BSND: variants seen among roughly 807,000 people sequenced by gnomAD.
The protein encoded by BSND is barttin.
Under a neutral mutation model 18.8 loss-of-function variants are expected in BSND, and 13 were observed. The observed-to-expected ratio is 0.69, with a 90% confidence interval of 0.45 to 1.10. The LOEUF is 1.10. BSND is among the 50% of genes least tolerant of loss of function. The pLI is 0.00. For synonymous variants in BSND, 170 were observed against 161.8 expected, an observed-to-expected ratio of 1.05 and a Z score of -0.39; for missense variants, 379 against 416.7, an observed-to-expected ratio of 0.91 and a Z score of 0.79.
At chr1:55,007,411 G>C (rs1644397443) in intron 3 of BSND, 139 bp downstream of exon 3, 1 of 1,099,056 alleles carries the variant, frequency 9.1e-7, no homozygotes. Flanking sequence ...ACCCTGAGAT[G>C]TGGCAGATGT....
At position 55,008,439 on chromosome 1, in the gene BSND, G is replaced by C. The variant is rs776289912; in HGVS notation, c.774G>C (p.Gln258His). 3.1e-6 allele frequency: 5 copies of C among 1,614,224 alleles called. No homozygotes were observed. In the South Asian group the frequency reaches 5.5e-5, roughly 18 times the overall value. Residue 258 changes from glutamine to histidine, a missense_variant, in exon 4 of 4, where the codon CAG (glutamine) becomes CAC (histidine). Physicochemically the swap from Gln to His is conservative, Grantham distance 24. Coordinates refer to ENST00000651561, the MANE Select transcript of BSND (RefSeq NM_057176.3). ...TLEDEPQEGQ[Q>H]WEIALPNNWQ... The stretch of plus-strand genomic sequence containing the variant: ...AGGATGAGCCCCAAGAGGGGCAGCA[G>C]TGGGAAATAGCCCTGCCCAACAACT...
intron 1 of BSND, among the ~76,000 whole-genome samples, chr1:55,004,102 A>G (rs1248637990): frequency 6.6e-6 from 1 of 152,116 alleles, no homozygotes; most frequent in South Asian, 2.1e-4. Context: ...ATCATACAGT[A>G]TTTGTCTTTC....
intron 2 of BSND, among the ~76,000 whole-genome samples, chr1:55,006,299 G>A (rs1644391286): frequency 6.6e-6 from 1 of 152,174 alleles, no homozygotes. Flanking sequence ...TGGGTTCTGA[G>A]CTCTTCCCAG....
At chr1:55,006,371 G>A (rs1237868048) in intron 2 of BSND, among the ~76,000 whole-genome samples, 2 of 152,138 alleles carry the variant, frequency 1.3e-5, no homozygotes, top group South Asian at 2.1e-4. Context: ...CTTTCCAGAG[G>A]GACTGTAGCA....
chr1:55,003,147 A>G (rs1644370216), intron 1 of BSND, among the ~76,000 whole-genome samples: 1 of 94,940 alleles, frequency 1.1e-5, no homozygotes, highest in Non-Finnish European at 2.4e-5. Flanking sequence ...TAGGAAGTAC[A>G]GTACTAGCTG....
chr1:55,005,506 C>T (rs923982122), intron 2 of BSND, among the ~76,000 whole-genome samples: 12 of 152,340 alleles, frequency 7.9e-5, no homozygotes, highest in South Asian at 2.1e-4. Context: ...AGGGCTTTGC[C>T]GCCTACTCGC....
At position 55,009,305 on chromosome 1, in the gene BSND, G is replaced by A. The variant is rs976265603; in HGVS notation, c.*677G>A. ...ACCCCTACACAGATGACCTCCCTTG[G>A]AAAGGTTTTCCTGATGTCGCTGCCT... On this transcript the variant is annotated 3_prime_UTR_variant, in exon 4 of 4. Transcript: ENST00000651561. 21 of 153,496 alleles carry A rather than the reference G, an allele frequency of 1.4e-4. No individual in the cohort carries two copies. Among genetic ancestry groups the A allele is most frequent in the African/African-American group, 5.1e-4 (21 of 41,446 alleles). The allele number at this position is 153,496 out of a possible 1,614,324, so 9.5% of individuals were successfully genotyped here. A position where few individuals can be genotyped will look rare whatever the true frequency, so the allele number is the denominator to read the frequency against.
At chr1:54,999,972 T>C (rs1306850609) in intron 1 of BSND, among the ~76,000 whole-genome samples, 2 of 152,128 alleles carry the variant, frequency 1.3e-5, no homozygotes, top group South Asian at 4.1e-4. Context: ...CAGCCTTATG[T>C]GTAATTTAGT....
intron 3 of BSND, among the ~76,000 whole-genome samples, chr1:55,007,776 A>G (rs946195814): frequency 5.9e-5 from 9 of 152,080 alleles, no homozygotes; most frequent in African/African-American, 2.2e-4. Flanking sequence ...TCATCCATGT[A>G]CTTATTCATT....
At position 55,016,739 on chromosome 1, in the gene BSND, C is replaced by G. The variant is rs1183126200; in HGVS notation, c.*8111C>G. Among the ~76,000 whole-genome samples, 1 of 152,138 alleles carries G rather than the reference C, an allele frequency of 6.6e-6. No individual in the cohort carries two copies. The highest frequency in any genetic ancestry group is 1.5e-5 in the Non-Finnish European group (1 of 68,020). The stretch of plus-strand genomic sequence containing the variant: ...AGCACACCACAGTGCCTGGCTTTAT[C>G]CTGATAATTTACCCTAAGGAAGAAA... On this transcript the variant is annotated 3_prime_UTR_variant, in exon 4 of 4. Coordinates refer to ENST00000651561, the MANE Select transcript of BSND (RefSeq NM_057176.3).
rs121908145 is a variant in BSND, at chr1:54,999,196, G to C, written c.10G>C (p.Glu4Gln). ...GACTGGCCAGGCAGCCATGGCTGAC[G>C]AGAAGACCTTCCGGATCGGCTTCAT... The part of the protein sequence containing the change: MAD[E>Q]KTFRIGFIVL... Residue 4 changes from glutamate to glutamine, a missense_variant, in exon 1 of 4, where the codon GAG (glutamate) becomes CAG (glutamine). Coordinates refer to ENST00000651561, the MANE Select transcript of BSND (RefSeq NM_057176.3). 9.9e-6 allele frequency: 16 copies of C among 1,614,088 alleles called. No individual in the cohort carries two copies. Among genetic ancestry groups the C allele is most frequent in the Non-Finnish European group, 1.3e-5 (15 of 1,180,028 alleles).
chr1:55,001,240 G>C (rs1258728538), intron 1 of BSND, among the ~76,000 whole-genome samples: 2 of 147,028 alleles, frequency 1.4e-5, no homozygotes, highest in African/African-American at 5.2e-5. Flanking sequence ...GTGTGTGTGT[G>C]TGTGTTGGGG....
At position 54,999,183 on chromosome 1, in the gene BSND, A is replaced by T; in HGVS notation, c.-4A>T. The T allele has an allele frequency of 6.2e-7, 1 of 1,613,954 alleles. No individual in the cohort carries two copies. The highest frequency in any genetic ancestry group is 2.2e-5 in the East Asian group (1 of 44,870). ...TGTGCAGGCCAGGGACTGGCCAGGC[A>T]GCCATGGCTGACGAGAAGACCTTCC... is the stretch of plus-strand genomic sequence containing the variant. On this transcript the variant is annotated 5_prime_UTR_variant, in exon 1 of 4. Transcript: ENST00000651561.
At position 55,008,990 on chromosome 1, in the gene BSND, A is replaced by G. The variant is rs570470805; in HGVS notation, c.*362A>G. The G allele has an allele frequency of 7.9e-6, 3 of 377,886 alleles. No individual in the cohort carries two copies. Among genetic ancestry groups the G allele is most frequent in the South Asian group, 2.2e-5 (1 of 44,582 alleles). 23.4% of individuals were successfully genotyped at this position (377,886 alleles called of 1,614,324 possible). A position where few individuals can be genotyped will look rare whatever the true frequency, so the allele number is the denominator to read the frequency against. ...TTTGTGAAGGCCAGTCAGGTTTCCC[A>G]TTCCTATTGTGTCTTATAGTCCACT... On this transcript the variant is annotated 3_prime_UTR_variant, in exon 4 of 4. Transcript: ENST00000651561.
chr1:55,008,710 C>A lies in BSND; in HGVS notation c.*82C>A. On this transcript the variant is annotated 3_prime_UTR_variant, in exon 4 of 4. Coordinates refer to ENST00000651561, the MANE Select transcript of BSND (RefSeq NM_057176.3). The stretch of plus-strand genomic sequence containing the variant: ...CACAGGGCCTCAGTTTCCCTATCTG[C>A]AAAATGGGATGATATGGAGGTTCAA... 7 of 1,595,910 alleles carry A rather than the reference C, an allele frequency of 4.4e-6. No homozygotes were observed. The highest frequency in any genetic ancestry group is 5.1e-6 in the Non-Finnish European group (6 of 1,165,600).
rs1644408791 is a variant in BSND at position 55,009,152 on chromosome 1, T to C, written c.*524T>C. 1 of 180,040 alleles carries C rather than the reference T, an allele frequency of 5.6e-6. No homozygotes were observed. The allele number at this position is 180,040 out of a possible 1,614,324, so 11.2% of individuals were successfully genotyped here. A position where few individuals can be genotyped will look rare whatever the true frequency, so the allele number is the denominator to read the frequency against. The stretch of plus-strand genomic sequence containing the variant: ...TGACCCCTGCTGACCTCATTCTCTC[T>C]GCTCCTCCAGTTCCAAGCCTAGCCC... On this transcript the variant is annotated 3_prime_UTR_variant, in exon 4 of 4. Transcript: ENST00000651561.
intron 2 of BSND, among the ~76,000 whole-genome samples, chr1:55,006,397 T>A (rs1052850695): frequency 1.3e-5 from 2 of 152,154 alleles, no homozygotes; most frequent in Admixed American, 6.5e-5. Context: ...ATAGAGAACA[T>A]GATATCTGGA....
Position 55,014,092 on chromosome 1 carries a change from C to T in BSND, c.*5464C>T, listed in dbSNP as rs1644436605. The stretch of plus-strand genomic sequence containing the variant: ...TGACTAGCTGTGTGAGTACCAGTCT[C>T]CCCACATGGACTGGGAGGTCCTTCA... On this transcript the variant is annotated 3_prime_UTR_variant, in exon 4 of 4. Transcript: ENST00000651561. Among the ~76,000 whole-genome samples the T allele has an allele frequency of 6.6e-6, 1 of 152,248 alleles. No individual in the cohort carries two copies. The highest frequency in any genetic ancestry group is 6.5e-5 in the Admixed American group (1 of 15,278).
intron 1 of BSND, among the ~76,000 whole-genome samples, chr1:55,004,267 T>C (rs182410801): frequency 2.4e-4 from 37 of 152,342 alleles, no homozygotes; most frequent in Admixed American, 9.1e-4. Context: ...ACCTCTTGGC[T>C]CTTGTGAATA....
Sources: allele counts gnomAD v4.1 joint callset (sites outside exome capture counted in the v4.1 genomes callset), GRCh38; gene constraint gnomAD v4.1.1; transcripts MANE v1.5; gene names NCBI Gene and HGNC (gene_info 2026-07-23, HGNC 2026-07-21).